IQCM: variants seen among roughly 807,000 people sequenced by gnomAD.
IQCM encodes IQ domain-containing protein M.
Under a neutral mutation model 57.6 loss-of-function variants are expected in IQCM, and 45 were observed. The ratio of observed to expected loss-of-function variants is 0.78; its 90% CI spans 0.62 to 1.00. IQCM has a LOEUF of 1.00. Among genes scored for constraint, IQCM ranks in the 50% least tolerant of loss-of-function variants. The probability of loss-of-function intolerance (pLI) is 0.00; values close to 1 mark genes in which losing one functional copy is unlikely to be tolerated. For synonymous variants in IQCM, 148 were observed against 158.9 expected, an observed-to-expected ratio of 0.93 and a Z score of 0.51; for missense variants, 468 against 511.6, an observed-to-expected ratio of 0.91 and a Z score of 0.82.
intron 5 of IQCM, among the ~76,000 whole-genome samples, chr4:149,720,888 T>C (rs1302989534): frequency 6.6e-6 from 1 of 152,186 alleles, no homozygotes; most frequent in Admixed American, 6.5e-5. Context: ...CAAATCAAAT[T>C]ATTCTGTGAC....
At chr4:149,636,053 T>C (rs970067102) in intron 7 of IQCM, among the ~76,000 whole-genome samples, 5 of 152,150 alleles carry the variant, frequency 3.3e-5, no homozygotes, top group Non-Finnish European at 5.9e-5. Context: ...AGACATAGAA[T>C]GTCATAAAAA....
chr4:149,393,837 C>G (rs374982461), intron 13 of IQCM, among the ~76,000 whole-genome samples: 1 of 151,992 alleles, frequency 6.6e-6, no homozygotes, highest in African/African-American at 2.4e-5. Flanking sequence ...AAAATTTTTT[C>G]TGAAAGATAT....
intron 12 of IQCM, among the ~76,000 whole-genome samples, chr4:149,486,017 G>GTCAGTCTCTCTCTCTCTCTC (rs1741445574): frequency 1.6e-5 from 2 of 121,598 alleles, no homozygotes; most frequent in African/African-American, 6.0e-5. Context: ...AGCAAACAGA[G>GTCAGTCTCTCTCTCTCTCTC]TCTCTCTCTC....
At chr4:149,645,962 T>G (rs1337966872) in intron 7 of IQCM, among the ~76,000 whole-genome samples, 2 of 152,164 alleles carry the variant, frequency 1.3e-5, no homozygotes, top group Non-Finnish European at 2.9e-5. Context: ...GGCTGAGACC[T>G]GCTTGCAACC....
intron 8 of IQCM, among the ~76,000 whole-genome samples, chr4:149,603,850 T>C (rs1191794846): frequency 1.3e-5 from 2 of 152,120 alleles, no homozygotes; most frequent in Non-Finnish European, 2.9e-5. Context: ...CTTTTTCCTC[T>C]TCTTAATATT....
chr4:149,524,079 AAC>A (rs1286285528), intron 12 of IQCM, among the ~76,000 whole-genome samples: 1 of 152,150 alleles, frequency 6.6e-6, no homozygotes, highest in African/African-American at 2.4e-5. Flanking sequence ...AAATCCAAAT[AAC>A]AATTTTTAAA....
intron 12 of IQCM, among the ~76,000 whole-genome samples, chr4:149,520,722 C>T (rs562297363): frequency 2.0e-5 from 3 of 152,258 alleles, no homozygotes; most frequent in African/African-American, 7.2e-5. Flanking sequence ...TGAACAAATT[C>T]TAGTTACCAT....
chr4:149,799,324 C>T (rs1773395168), intron 2 of IQCM, among the ~76,000 whole-genome samples: 1 of 151,558 alleles, frequency 6.6e-6, no homozygotes, highest in Non-Finnish European at 1.5e-5. Flanking sequence ...CATACCAAAA[C>T]CCATGGGATA....
At chr4:149,718,897 A>G (rs1765213368) in intron 5 of IQCM, among the ~76,000 whole-genome samples, 1 of 152,230 alleles carries the variant, frequency 6.6e-6, no homozygotes, top group South Asian at 2.1e-4. Flanking sequence ...CTCCCCACCC[A>G]AAAATTCTTA....
intron 12 of IQCM, among the ~76,000 whole-genome samples, chr4:149,493,643 T>C (rs891412908): frequency 6.6e-6 from 1 of 152,084 alleles, no homozygotes; most frequent in African/African-American, 2.4e-5. Context: ...GGGATTCTAA[T>C]GGCTCCCAGC....
intron 7 of IQCM, among the ~76,000 whole-genome samples, chr4:149,649,351 T>C (rs2150130538): frequency 6.6e-6 from 1 of 152,156 alleles, no homozygotes; most frequent in Middle Eastern, 3.4e-3. Flanking sequence ...GCCCTGACTG[T>C]TTCCCTTACC....
chr4:149,752,350 G>A lies in IQCM; in HGVS notation c.-48-9611C>T, dbSNP rs544402501. ...GTGGATCACCTGAAGTCAGGAGTTC[G>A]AGACCAGCCTGGCCAACATGGTGAA... On this transcript the variant is annotated intron_variant, in intron 2 of 13. Transcript: ENST00000636793. Among the ~76,000 whole-genome samples the A allele has an allele frequency of 1.4e-3, 215 of 152,122 alleles. 1 individual carries two copies. Among genetic ancestry groups the A allele is most frequent in the African/African-American group, 5.0e-3 (208 of 41,514 alleles).
At chr4:149,750,885 C>T (rs530644711) in intron 2 of IQCM, among the ~76,000 whole-genome samples, 11 of 152,264 alleles carry the variant, frequency 7.2e-5, no homozygotes, top group Admixed American at 7.2e-4. Flanking sequence ...TAGAATTATG[C>T]TGTGCTTAGA....
intron 2 of IQCM, among the ~76,000 whole-genome samples, chr4:149,755,130 G>A (rs1364451603): frequency 1.3e-5 from 2 of 152,100 alleles, no homozygotes; most frequent in Non-Finnish European, 2.9e-5. Context: ...TAACACTCTA[G>A]CTGAAACCAC....
intron 7 of IQCM, among the ~76,000 whole-genome samples, chr4:149,628,930 A>C (rs939288216): frequency 2.0e-5 from 3 of 152,220 alleles, no homozygotes; most frequent in Admixed American, 1.3e-4. Flanking sequence ...AAGTTAAATA[A>C]ATTTTATAAC....
In IQCM at chr4:149,447,424, A is replaced by T. The variant is rs191108261; in HGVS notation, c.1229-13867T>A. Among the ~76,000 whole-genome samples, 140 of 151,796 alleles carry T rather than the reference A, an allele frequency of 9.2e-4. 1 individual carries two copies. Among genetic ancestry groups the T allele is most frequent in the Non-Finnish European group, 3.7e-4 (25 of 67,712 alleles). ...AAAAGTTATTATAACTATATTCCAC[A>T]TGTTCAAGAAGTTAAAGGAAGTAGA... On this transcript the variant is annotated intron_variant, in intron 12 of 13. Coordinates refer to ENST00000636793, the MANE Select transcript of IQCM (RefSeq NM_001363507.2).
chr4:149,390,040 T>C (rs1205379379), intron 13 of IQCM, among the ~76,000 whole-genome samples: 2 of 152,038 alleles, frequency 1.3e-5, no homozygotes, highest in African/African-American at 4.8e-5. Context: ...GCATTGAATC[T>C]GTAGATCAGG....
At chr4:149,467,018 T>C (rs1738924776) in intron 12 of IQCM, among the ~76,000 whole-genome samples, 1 of 152,288 alleles carries the variant, frequency 6.6e-6, no homozygotes, top group East Asian at 1.9e-4. Context: ...TACCATAATG[T>C]TGGAGGTTAA....
At chr4:149,744,515 C>T (rs1274209870) in intron 2 of IQCM, among the ~76,000 whole-genome samples, 2 of 152,078 alleles carry the variant, frequency 1.3e-5, no homozygotes, top group Admixed American at 1.3e-4. Context: ...GGCTGGAAAG[C>T]AAGACATCCC....
Sources: gnomAD v4.1 joint callset for allele counts (sites outside exome capture counted in the v4.1 genomes callset) on GRCh38, gnomAD v4.1.1 for gene constraint, MANE v1.5 for transcripts, NCBI Gene and HGNC (gene_info 2026-07-23, HGNC 2026-07-21) for gene names.